Variants in CHEK2 observed in about 807,000 individuals in gnomAD.
CHEK2 encodes serine/threonine-protein kinase Chk2.
In CHEK2, 71 loss-of-function variants were observed where a neutral mutation model predicts 69.1. The observed-to-expected ratio is 1.03, with a 90% CI of 0.85 to 1.25. The LOEUF is 1.25. CHEK2 is among the 50% of genes most tolerant of loss of function. The pLI is 0.00. For synonymous variants in CHEK2, 189 were observed against 226.9 expected (o/e 0.83, Z 1.50); for missense variants, 664 against 649.6 (o/e 1.02, Z -0.24).
chr22:28,705,544 A>G (rs2053085637), intron 7 of CHEK2, among the ~76,000 whole-genome samples: 1 of 152,206 alleles, frequency 6.6e-6, no homozygotes, highest in Non-Finnish European at 1.5e-5. Context: ...CGTTTTGGAT[A>G]AGGGACACTC....
chr22:28,697,204 C>A lies in CHEK2; in HGVS notation c.1009-217G>T, dbSNP rs559280794. 1.1e-4 allele frequency among the ~76,000 whole-genome samples: 17 copies of A among 152,236 alleles called. No individual in the cohort carries two copies. In the East Asian group the frequency reaches 3.1e-3, roughly 28 times the overall value. ...GGGAAATGAAAAAAGCAACTTAGAACAATTAACCTTTCATTTCACTTTAAG... is the reference window on the plus strand; with the variant it reads ...GGGAAATGAAAAAAGCAACTTAGAAAAATTAACCTTTCATTTCACTTTAAG... On this transcript the variant is annotated intron_variant, in intron 9 of 14. Transcript: ENST00000404276.
In CHEK2 at chr22:28,728,070, G is replaced by C. The variant is rs2054071695; in HGVS notation, c.320-2703C>G. The C allele has an allele frequency of 2.0e-5, 3 of 152,316 alleles. No individual in the cohort carries two copies. The South Asian group carries it at 6.2e-4, about 32-fold the overall frequency. The allele number at this position is 152,316 out of a possible 1,614,324, so 9.4% of individuals were successfully genotyped here. Reference sequence around the variant, plus strand: ...TCACTTGAGCCTGAAGGTCGAGGCTGCACTAAGCTGTGGTTGCACCACTCA... The same window carrying C: ...TCACTTGAGCCTGAAGGTCGAGGCTCCACTAAGCTGTGGTTGCACCACTCA... On this transcript the variant is annotated intron_variant, in intron 2 of 14. Coordinates refer to ENST00000404276, the MANE Select transcript of CHEK2 (RefSeq NM_007194.4).
intron 5 of CHEK2, among the ~76,000 whole-genome samples, chr22:28,718,620 GCCTGTAAT>G (rs988717236): frequency 2.6e-5 from 4 of 152,126 alleles, no homozygotes; most frequent in African/African-American, 9.7e-5. Flanking sequence ...AGTGGCTCAT[GCCTGTAAT>G]CCTAGCACTT....
chr22:28,736,280 TA>T (rs2054401181), intron 1 of CHEK2, among the ~76,000 whole-genome samples: 1 of 152,174 alleles, frequency 6.6e-6, no homozygotes. Flanking sequence ...TGGCTTGATA[TA>T]AAAGTCAAAA....
intron 8 of CHEK2, among the ~76,000 whole-genome samples, chr22:28,702,481 G>GC (rs2052918173): frequency 6.7e-6 from 1 of 149,522 alleles, no homozygotes; most frequent in Non-Finnish European, 1.5e-5. Context: ...CTTGTGATCC[G>GC]CCCGCCTTGG....
intron 7 of CHEK2, among the ~76,000 whole-genome samples, chr22:28,707,392 TA>T (rs1170187845): frequency 6.6e-6 from 1 of 152,168 alleles, no homozygotes; most frequent in African/African-American, 2.4e-5. Context: ...CTCCAATAAA[TA>T]AAATGAACTT....
At chr22:28,718,777 G>A (rs940883512) in intron 5 of CHEK2, among the ~76,000 whole-genome samples, 1 of 151,810 alleles carries the variant, frequency 6.6e-6, no homozygotes, top group Non-Finnish European at 1.5e-5. Flanking sequence ...AGCTACTTGG[G>A]AGGCTAAGGT....
chr22:28,706,129 T>C (rs4490290), intron 7 of CHEK2, among the ~76,000 whole-genome samples: 91,945 of 151,772 alleles, frequency 0.61, 28,719 homozygotes, highest in South Asian at 0.78. Flanking sequence ...CTGTCTCTAC[T>C]AAAAATACAA....
At chr22:28,729,551 A>AAAAAAAAAAAAAAAAAAAAAAAC (rs1307172989) in intron 2 of CHEK2, among the ~76,000 whole-genome samples, 1 of 150,726 alleles carries the variant, frequency 6.6e-6, no homozygotes, top group East Asian at 1.9e-4. Context: ...AAAAAAAAAA[A>AAAAAAAAAAAAAAAAAAAAAAAC]AAAAAAAAAA....
intron 13 of CHEK2, among the ~76,000 whole-genome samples, chr22:28,693,781 C>A (rs2052453759): frequency 6.6e-6 from 1 of 152,126 alleles, no homozygotes; most frequent in Non-Finnish European, 1.5e-5. Context: ...ATCACTTGAA[C>A]CCGGGGGCCA....
At chr22:28,730,195 G>A (rs1336601604) in intron 2 of CHEK2, among the ~76,000 whole-genome samples, 1 of 107,668 alleles carries the variant, frequency 9.3e-6, no homozygotes, top group African/African-American at 3.9e-5. Flanking sequence ...TATCAGAGGA[G>A]AAAGGAGAGA....
chr22:28,735,138 G>A (rs1399012278), intron 1 of CHEK2, among the ~76,000 whole-genome samples: 1 of 151,858 alleles, frequency 6.6e-6, no homozygotes, highest in Non-Finnish European at 1.5e-5. Flanking sequence ...CCAGGCGCGG[G>A]GGTTCACTCC....
chr22:28,716,682 T>C (rs1159452616), intron 5 of CHEK2, among the ~76,000 whole-genome samples: 1 of 152,184 alleles, frequency 6.6e-6, no homozygotes, highest in Admixed American at 6.5e-5. Context: ...TTTCCTTCCA[T>C]GTTTCCAAAA....
intron 8 of CHEK2, among the ~76,000 whole-genome samples, chr22:28,700,178 A>G (rs1399732082): frequency 6.6e-6 from 1 of 150,472 alleles, no homozygotes; most frequent in African/African-American, 2.4e-5. Context: ...AAAAAATCCA[A>G]TTCAGTAGCT....
At chr22:28,709,324 A>T (rs1167010941) in intron 7 of CHEK2, among the ~76,000 whole-genome samples, 7 of 152,244 alleles carry the variant, frequency 4.6e-5, no homozygotes, top group Non-Finnish European at 5.9e-5. Context: ...AAGGTATTCA[A>T]AAGTGGTAAA....
intron 1 of CHEK2, among the ~76,000 whole-genome samples, chr22:28,736,712 A>G (rs2054417546): frequency 6.6e-6 from 1 of 152,064 alleles, no homozygotes; most frequent in Non-Finnish European, 1.5e-5. Flanking sequence ...GGCCAAGGCA[A>G]GAGGACCACT....
chr22:28,719,449 G>T lies in CHEK2; in HGVS notation c.629C>A (p.Ser210Ter). The T allele has an allele frequency of 2.5e-6, 4 of 1,597,542 alleles. No individual in the cohort carries two copies. The highest frequency in any genetic ancestry group is 1.1e-5 in the South Asian group (1 of 88,894). The change falls in exon 5 of 15, where the codon TCA (serine) becomes TAA (stop). Residue 210 changes from serine to a stop codon, truncating the protein, a stop_gained. Transcript: ENST00000404276. LOFTEE classifies it high-confidence loss of function. ...ATCTCTTAATGCCTTAGGATAAACTGACTGATCATCTACAGTCAGATCAAA... is the reference window on the plus strand; with the variant it reads ...ATCTCTTAATGCCTTAGGATAAACTTACTGATCATCTACAGTCAGATCAAA... ...VFFDLTVDDQ[S>*]VYPKALRDEY...
chr22:28,691,026 T>G (rs2052341960), intron 13 of CHEK2, among the ~76,000 whole-genome samples: 1 of 151,272 alleles, frequency 6.6e-6, no homozygotes, highest in South Asian at 2.1e-4. Context: ...CCATTGCCAT[T>G]TGACAGCAGC....
chr22:28,730,017 G>A (rs2054147772), intron 2 of CHEK2, among the ~76,000 whole-genome samples: 1 of 150,734 alleles, frequency 6.6e-6, no homozygotes, highest in South Asian at 2.1e-4. Flanking sequence ...TTTTGTTTTT[G>A]TATTTTTAGT....
Sources: allele counts gnomAD v4.1 joint callset (sites outside exome capture counted in the v4.1 genomes callset), GRCh38; gene constraint gnomAD v4.1.1; transcripts MANE v1.5; gene names NCBI Gene and HGNC (gene_info 2026-07-23, HGNC 2026-07-21).